Variants in GOLGA4 observed in about 807,000 individuals in gnomAD.
GOLGA4 encodes the protein golgin A4, also known as golgin subfamily A member 4.
GOLGA4 carries 169 observed loss-of-function variants against 265.9 expected under a neutral mutation model. That is an observed-to-expected ratio of 0.64 (90% CI 0.56 to 0.72). The LOEUF (loss-of-function observed/expected upper bound fraction) is 0.72. Ranked by LOEUF, GOLGA4 falls within the 30% of genes least tolerant of loss-of-function variation. GOLGA4 has a pLI of 0.00. For missense variants in GOLGA4, 2,482 were observed against 2,483.4 expected, an observed-to-expected ratio of 1.00 and a Z score of 0.01; for synonymous variants, 923 against 855.8, an observed-to-expected ratio of 1.08 and a Z score of -1.37.
Position 37,286,710 on chromosome 3 carries a change from G to A in GOLGA4, c.525+649G>A, listed in dbSNP as rs142736476. On this transcript the variant is annotated intron_variant, in intron 4 of 23. Coordinates refer to ENST00000361924, the MANE Select transcript of GOLGA4 (RefSeq NM_002078.5). ...GTTGCTTCCTTGTTTTAGTGGTAAA[G>A]ACATATCTAACCTTCTATGCTTTCC... Among the ~76,000 whole-genome samples, 762 of 152,268 alleles carry A rather than the reference G, an allele frequency of 5.0e-3. 6 individuals are homozygous for A. Among genetic ancestry groups the A allele is most frequent in the Non-Finnish European group, 7.3e-3 (494 of 68,020 alleles).
Position 37,329,102 on chromosome 3 carries a change from C to A in GOLGA4, c.6192+9C>A. On this transcript the variant is annotated intron_variant, in intron 16 of 23. Transcript: ENST00000361924. ...ATGAAGAAATCCTTGATGTTTGTAC[C>A]TTATTTCTTCTCTCTCACTTTTGAA... is the stretch of plus-strand genomic sequence containing the variant. 3 of 1,577,558 alleles carry A rather than the reference C, an allele frequency of 1.9e-6. No homozygotes were observed. Among genetic ancestry groups the A allele is most frequent in the Admixed American group, 1.9e-5 (1 of 52,878 alleles).
intron 10 of GOLGA4, among the ~76,000 whole-genome samples, chr3:37,312,469 A>C (rs1369742987): frequency 6.6e-6 from 1 of 152,124 alleles, no homozygotes; most frequent in East Asian, 1.9e-4. Context: ...TTTGTATCTA[A>C]GGATTATCAT....
chr3:37,364,155 T>C (rs1696563123), intron 23 of GOLGA4, among the ~76,000 whole-genome samples: 1 of 152,236 alleles, frequency 6.6e-6, no homozygotes, highest in African/African-American at 2.4e-5. Flanking sequence ...AGTTTGCCTC[T>C]ATTAATCTTA....
intron 2 of GOLGA4, among the ~76,000 whole-genome samples, chr3:37,273,768 TAAATG>T (rs2096805411): frequency 6.6e-6 from 1 of 152,208 alleles, no homozygotes; most frequent in South Asian, 2.1e-4. Context: ...GAAAAAGTTT[TAAATG>T]AAAGCAAGAC....
chr3:37,326,872 A>G lies in GOLGA4; in HGVS notation c.4986A>G (p.Lys1662=), dbSNP rs1471121313. Residue 1662 remains lysine (K), a synonymous_variant, in exon 14 of 24, where the codon AAA becomes AAG. Coordinates refer to ENST00000361924, the MANE Select transcript of GOLGA4 (RefSeq NM_002078.5). ...KKQLLSQMEE[K]EEQYKKGTES... is the part of the protein sequence containing the mutation. ...AGTTGTTATCTCAAATGGAAGAGAA[A>G]GAAGAACAGTATAAAAAAGGTACAG... 1.2e-6 allele frequency: 2 copies of G among 1,613,616 alleles called. No individual in the cohort carries two copies. Among genetic ancestry groups the G allele is most frequent in the Non-Finnish European group, 1.7e-6 (2 of 1,179,764 alleles).
chr3:37,364,991 G>C (rs567837693), intron 23 of GOLGA4, among the ~76,000 whole-genome samples: 1 of 152,148 alleles, frequency 6.6e-6, no homozygotes, highest in African/African-American at 2.4e-5. Flanking sequence ...GACTTCCCAG[G>C]CTCAAGCGAT....
At chr3:37,365,894 A>G (rs1377341819) in intron 23 of GOLGA4, among the ~76,000 whole-genome samples, 186 bp from the exon 24 acceptor site, 2 of 151,762 alleles carry the variant, frequency 1.3e-5, no homozygotes, top group Admixed American at 6.6e-5. Flanking sequence ...TGGCCTCTCA[A>G]AGTGCTGGGA....
intron 2 of GOLGA4, among the ~76,000 whole-genome samples, chr3:37,270,618 G>A (rs2096796104): frequency 6.6e-6 from 1 of 152,022 alleles, no homozygotes; most frequent in South Asian, 2.1e-4. Context: ...AATATTTTAT[G>A]GAGCCCCTTC....
At chr3:37,305,762 T>C (rs2096904409) in intron 10 of GOLGA4, among the ~76,000 whole-genome samples, 1 of 152,182 alleles carries the variant, frequency 6.6e-6, no homozygotes, top group African/African-American at 2.4e-5. Flanking sequence ...GAAAATAAAC[T>C]CTCCAAATGC....
intron 21 of GOLGA4, among the ~76,000 whole-genome samples, chr3:37,354,684 T>C (rs1277582496): frequency 6.6e-6 from 1 of 152,080 alleles, no homozygotes; most frequent in East Asian, 1.9e-4. Context: ...GTTTATGAGA[T>C]ATATGATGTG....
Position 37,335,069 on chromosome 3 carries a change from T to C in GOLGA4, c.6209T>C (p.Met2070Thr). 1 of 1,594,544 alleles carries C rather than the reference T, an allele frequency of 6.3e-7. No homozygotes were observed. The highest frequency in any genetic ancestry group is 8.6e-7 in the Non-Finnish European group (1 of 1,166,080). ...ATCCTAAAGGCTCGTGAAGAAGAAA[T>C]GACTGCAAAAGTAAGGGACCTGCAG... ...EEILDAREEEMTAKVRDLQTQ... is the reference protein window; with the variant it reads ...EEILDAREEETTAKVRDLQTQ... The change falls in exon 17 of 24, where the codon ATG becomes ACG. Residue 2070 changes from methionine to threonine, a missense_variant. This residue lies in a region of GOLGA4 where 942 missense variants were observed against 983.1 expected (regional missense o/e 0.96). Transcript: ENST00000361924.
At position 37,302,250 on chromosome 3, in the gene GOLGA4, T is replaced by G; in HGVS notation, c.1152T>G (p.Ile384Met). 1 of 1,612,814 alleles carries G rather than the reference T, an allele frequency of 6.2e-7. No individual in the cohort carries two copies. Among genetic ancestry groups the G allele is most frequent in the Non-Finnish European group, 8.5e-7 (1 of 1,178,876 alleles). ...HETLEMKEEEIAQLRSRIKQM... is the reference protein window; with the variant it reads ...HETLEMKEEEMAQLRSRIKQM... ...CCCTGGAAATGAAAGAAGAAGAAAT[T>G]GCTCAACTCCGTAGTCGCATCAAAC... The change falls in exon 10 of 24, where the codon ATT becomes ATG. Residue 384 changes from isoleucine (I) to methionine (M), a missense_variant. Transcript: ENST00000361924.
chr3:37,253,536 C>T (rs1352946939), intron 2 of GOLGA4, among the ~76,000 whole-genome samples: 5 of 151,986 alleles, frequency 3.3e-5, no homozygotes, highest in African/African-American at 1.2e-4. Flanking sequence ...CTTTGTCATT[C>T]TATCCGAAAC....
At chr3:37,338,468 T>G (rs2097021812) in intron 19 of GOLGA4, among the ~76,000 whole-genome samples, 1 of 152,248 alleles carries the variant, frequency 6.6e-6, no homozygotes, top group Non-Finnish European at 1.5e-5. Flanking sequence ...TTTGTTTCAC[T>G]AGTGATTTAG....
rs760910136 is a variant in GOLGA4 at position 37,327,167 on chromosome 3, G to A, written c.5281G>A (p.Glu1761Lys). Reference sequence around the variant, plus strand: ...GCAGAGGGTAGGGCAGGAAAAAGAAGAGACAGTTTCTTCTCATTTTGAAAT... The same window carrying A: ...GCAGAGGGTAGGGCAGGAAAAAGAAAAGACAGTTTCTTCTCATTTTGAAAT... ...LLQRVGQEKE[E>K]TVSSHFEMRC... is the part of the protein sequence containing the mutation. The change falls in exon 14 of 24, where the codon GAG becomes AAG. Residue 1761 changes from glutamate to lysine, a missense_variant. Physicochemically the swap from Glu to Lys is moderately conservative, Grantham distance 56. Transcript: ENST00000361924. 2.5e-6 allele frequency: 4 copies of A among 1,613,850 alleles called. No homozygotes were observed. The highest frequency in any genetic ancestry group is 1.6e-4 in the Middle Eastern group (1 of 6,062).
intron 12 of GOLGA4, among the ~76,000 whole-genome samples, chr3:37,320,842 T>C (rs2096952839): frequency 6.6e-6 from 1 of 152,140 alleles, no homozygotes; most frequent in Admixed American, 6.5e-5. Context: ...TCCTCCTTTA[T>C]GGGCATATAG....
intron 5 of GOLGA4, among the ~76,000 whole-genome samples, chr3:37,294,130 A>G (rs2096872080): frequency 6.6e-6 from 1 of 152,202 alleles, no homozygotes; most frequent in Admixed American, 6.5e-5. Context: ...CAGAGAGACA[A>G]AAATCAATGG....
At chr3:37,320,177 A>AT (rs1409339203) in intron 12 of GOLGA4, 1 of 148,668 alleles carries the variant, frequency 6.7e-6, no homozygotes, top group Non-Finnish European at 1.5e-5. Context: ...TTGTTGAAAG[A>AT]TTTTTTAAAA....
chr3:37,358,340 A>G (rs1460422960), intron 22 of GOLGA4, among the ~76,000 whole-genome samples: 2 of 151,962 alleles, frequency 1.3e-5, no homozygotes, highest in Non-Finnish European at 1.5e-5. Context: ...TGAGTTTTAT[A>G]CTCTTTATTT....
Sources: gnomAD v4.1 joint callset for allele counts (sites outside exome capture counted in the v4.1 genomes callset) on GRCh38, gnomAD v4.1.1 for gene constraint, gnomAD v4.1.1 regional missense constraint, MANE v1.5 for transcripts, NCBI Gene and HGNC (gene_info 2026-07-23, HGNC 2026-07-21) for gene names.